TSHZ3: variants seen among roughly 807,000 people sequenced by gnomAD.
TSHZ3 encodes teashirt homolog 3.
TSHZ3 carries 10 observed loss-of-function variants against 64.5 expected under a neutral mutation model. That is an observed-to-expected ratio of 0.16 (90% confidence interval 0.10 to 0.26). TSHZ3 has a LOEUF of 0.26. TSHZ3 is among the 10% of genes least tolerant of loss of function. The pLI is 1.00. For synonymous variants in TSHZ3, 608 were observed against 593.1 expected (o/e 1.03, Z -0.36); for missense variants, 1,242 against 1,421.7 (o/e 0.87, Z 2.03).
At chr19:31,263,540 G>A (rs1168790663) in intron 1 of TSHZ3, among the ~76,000 whole-genome samples, 1 of 152,336 alleles carries the variant, frequency 6.6e-6, no homozygotes, top group East Asian at 1.9e-4. Context: ...AGGGCAAGAC[G>A]TGCCCTGTGG....
Position 31,277,655 on chromosome 19 carries a change from G to A in TSHZ3, c.2138C>T (p.Pro713Leu), listed in dbSNP as rs745371238. 30 of 1,536,036 alleles carry A rather than the reference G, an allele frequency of 2.0e-5. No homozygotes were observed. The highest frequency in any genetic ancestry group is 6.9e-5 in the African/African-American group (5 of 72,410). The change falls in exon 2 of 2, where the codon CCG becomes CTG. Residue 713 changes from proline to leucine, a missense_variant. By Grantham distance (98) the Pro-to-Leu change is moderately conservative (BLOSUM62 -3). Around this residue, in one of 4 missense-constraint regions of TSHZ3, gnomAD observed 550 missense variants for 545.1 expected, o/e 1.01. Transcript: ENST00000240587. The surrounding 1 kb of genome is among the most constrained non-coding windows in gnomAD (Gnocchi z 4.5). Reference sequence around the variant, plus strand: ...AGGGTTAACAAAAGGCTGTTCAGGCGGGTGGTCGGTGATGATGGCCGTGCT... The same window carrying A: ...AGGGTTAACAAAAGGCTGTTCAGGCAGGTGGTCGGTGATGATGGCCGTGCT... ...SGSTAIITDH[P>L]PEQPFVNPLS...
chr19:31,221,924 C>T (rs10404275), intron 4 of TSHZ3, among the ~76,000 whole-genome samples: 1 of 152,054 alleles, frequency 6.6e-6, no homozygotes, highest in African/African-American at 2.4e-5. Context: ...AAGAATGGGA[C>T]CTTTGCAACC....
chr19:31,285,653 G>A (rs1016467086), intron 1 of TSHZ3, among the ~76,000 whole-genome samples: 4 of 151,020 alleles, frequency 2.6e-5, no homozygotes, highest in Admixed American at 6.6e-5. Flanking sequence ...GCATGGTGGC[G>A]GGTACCTGTA....
At chr19:31,198,332 T>C (rs1396477618) in intron 5 of TSHZ3, among the ~76,000 whole-genome samples, 3 of 152,028 alleles carry the variant, frequency 2.0e-5, no homozygotes, top group South Asian at 2.1e-4. Context: ...GCTAATGTCA[T>C]AGTTAATGGA....
At chr19:31,308,738 C>T (rs900326948) in intron 1 of TSHZ3, 5 of 398,414 alleles carry the variant, frequency 1.3e-5, no homozygotes, top group South Asian at 1.3e-4. Context: ...AGGGACACAC[C>T]GTCTAAGACC....
intron 1 of TSHZ3, among the ~76,000 whole-genome samples, chr19:31,345,588 G>A (rs555942805): frequency 6.6e-6 from 1 of 152,118 alleles, no homozygotes; most frequent in Non-Finnish European, 1.5e-5. Flanking sequence ...CCCTTGCCTT[G>A]TTTTTACCAC....
chr19:31,340,338 C>CAA (rs1160334453), intron 1 of TSHZ3, among the ~76,000 whole-genome samples: 949 of 32,748 alleles, frequency 0.029, 246 homozygotes, highest in African/African-American at 0.066. Context: ...GCCTACAGTA[C>CAA]AAAAAAAAAA....
At chr19:31,190,903 T>C (rs1024531986) in intron 5 of TSHZ3, among the ~76,000 whole-genome samples, 2 of 150,554 alleles carry the variant, frequency 1.3e-5, no homozygotes, top group East Asian at 3.9e-4. Context: ...ATAAAAAAAA[T>C]GTAATCTGAA....
chr19:31,256,587 CT>C (rs1975914156), intron 1 of TSHZ3, among the ~76,000 whole-genome samples: 1 of 152,172 alleles, frequency 6.6e-6, no homozygotes, highest in African/African-American at 2.4e-5. Flanking sequence ...TATGTTCATT[CT>C]TTTTTATCAT....
At chr19:31,229,650 T>C (rs1378492350) in intron 3 of TSHZ3, among the ~76,000 whole-genome samples, 3 of 152,232 alleles carry the variant, frequency 2.0e-5, no homozygotes, top group Admixed American at 6.5e-5. Flanking sequence ...ATTCAAATAT[T>C]CTGCCATAAC....
chr19:31,163,876 C>T (rs945166278), intron 5 of TSHZ3, among the ~76,000 whole-genome samples: 2 of 152,150 alleles, frequency 1.3e-5, no homozygotes, highest in African/African-American at 2.4e-5. Flanking sequence ...GGGGGCTTAC[C>T]CTGCACCAGG....
intron 1 of TSHZ3, among the ~76,000 whole-genome samples, chr19:31,285,610 C>A: frequency 6.6e-6 from 1 of 151,144 alleles, no homozygotes; most frequent in East Asian, 2.0e-4. Flanking sequence ...TGGTGAAACT[C>A]CGTCTCTACT....
intron 1 of TSHZ3, among the ~76,000 whole-genome samples, chr19:31,289,055 A>G (rs2145127184): frequency 6.6e-6 from 1 of 152,336 alleles, no homozygotes; most frequent in East Asian, 1.9e-4. Context: ...TTTGCAGGCA[A>G]CCAAGGATTT....
At chr19:31,330,098 C>G (rs1266123700) in intron 1 of TSHZ3, among the ~76,000 whole-genome samples, 2 of 151,566 alleles carry the variant, frequency 1.3e-5, no homozygotes, top group African/African-American at 4.8e-5. Context: ...TACTTTATTT[C>G]CTTTCAAAGA....
chr19:31,197,622 C>T (rs772588308), intron 5 of TSHZ3, among the ~76,000 whole-genome samples: 3 of 151,774 alleles, frequency 2.0e-5, no homozygotes, highest in Non-Finnish European at 4.4e-5. Flanking sequence ...TGAAAGGGGG[C>T]ATCACTATCA....
rs374202613 is a variant in TSHZ3, at chr19:31,168,151, AT to A, written n.810-11735del. Among the ~76,000 whole-genome samples, 449 of 151,510 alleles carry A rather than the reference AT, an allele frequency of 3.0e-3. 1 individual carries two copies. Among genetic ancestry groups the A allele is most frequent in the East Asian group, 9.5e-3 (49 of 5,162 alleles). On this transcript the variant is annotated intron_variant and non_coding_transcript_variant, in intron 5 of 6. Transcript: ENST00000651361. Reference sequence around the variant, plus strand: ...GCATAATTGACATAATTGATCTAGTATTTTTTTTTCCTTTTTGCTGCAGTAA... The same window carrying A: ...GCATAATTGACATAATTGATCTAGTATTTTTTTTCCTTTTTGCTGCAGTAA...
In TSHZ3 at chr19:31,277,430, T is replaced by G; in HGVS notation, c.2363A>C (p.Gln788Pro). 1 of 1,614,038 alleles carries G rather than the reference T, an allele frequency of 6.2e-7. No individual in the cohort carries two copies. The highest frequency in any genetic ancestry group is 8.5e-7 in the Non-Finnish European group (1 of 1,179,958). ...CTTCCCTTTTGTCAAGTCTATGGGC[T>G]GGTCGTTGTTGACGTGGTAGAAATA... ...DRYFYHVNND[Q>P]PIDLTKGKSD... Residue 788 changes from glutamine to proline, a missense_variant, in exon 2 of 2, where the codon CAG (glutamine) becomes CCG (proline). Around this residue, in one of 4 missense-constraint regions of TSHZ3, gnomAD observed 550 missense variants for 545.1 expected, o/e 1.01. Coordinates refer to ENST00000240587, the MANE Select transcript of TSHZ3 (RefSeq NM_020856.4). This position sits in a 1 kb window ranked among gnomAD's most constrained non-coding sequence, Gnocchi z 4.5.
At chr19:31,211,738 G>A (rs1207658054) in intron 4 of TSHZ3, among the ~76,000 whole-genome samples, 1 of 152,194 alleles carries the variant, frequency 6.6e-6, no homozygotes, top group Admixed American at 6.5e-5. Context: ...GAGGAGCGGG[G>A]AGTGTGGGGT....
intron 1 of TSHZ3, among the ~76,000 whole-genome samples, chr19:31,287,875 C>T (rs143360201): frequency 2.1e-3 from 322 of 152,236 alleles, no homozygotes; most frequent in African/African-American, 7.1e-3. Context: ...CTGGGGCCTC[C>T]GGGCCTCCTT....
Sources: gnomAD v4.1 joint callset for allele counts (sites outside exome capture counted in the v4.1 genomes callset) on GRCh38, gnomAD v4.1.1 for gene constraint, gnomAD v4.1.1 regional missense constraint, Gnocchi (gnomAD v3.1) non-coding constraint, MANE v1.5 for transcripts, NCBI Gene and HGNC (gene_info 2026-07-23, HGNC 2026-07-21) for gene names.